NSD2: variants seen among roughly 807,000 people sequenced by gnomAD.
NSD2 encodes histone-lysine N-methyltransferase NSD2.
In NSD2, 12 loss-of-function variants were observed where a neutral mutation model predicts 139.0. That is an observed-to-expected ratio of 0.09 (90% CI 0.06 to 0.14). The LOEUF (loss-of-function observed/expected upper bound fraction) is 0.14, where lower values mean the gene tolerates loss of function less well. NSD2 is among the 10% of genes least tolerant of loss of function. The probability of loss-of-function intolerance (pLI) is 1.00; values close to 1 mark genes in which losing one functional copy is unlikely to be tolerated. For synonymous variants in NSD2, 669 were observed against 648.7 expected (o/e 1.03, Z -0.48); for missense variants, 1,155 against 1,745.0 (o/e 0.66, Z 6.02).
chr4:1,948,563 G>A lies in NSD2; in HGVS notation c.1882-2509G>A. On this transcript the variant is annotated intron_variant, in intron 9 of 21. Coordinates refer to ENST00000508803, the MANE Select transcript of NSD2 (RefSeq NM_001042424.3). The surrounding 1 kb of genome is among the most constrained non-coding windows in gnomAD (Gnocchi z 4.5). ...TCCGGTGGCTGGGAGGGGGTGTGGT[G>A]GGAAAAAGTCGGAATCTCTGCAATC... 1 of 1,064,348 alleles carries A rather than the reference G, an allele frequency of 9.4e-7. No individual in the cohort carries two copies. 65.9% of individuals were successfully genotyped at this position (1,064,348 alleles called of 1,614,324 possible).
At position 1,980,774 on chromosome 4, in the gene NSD2, C is replaced by CT. The variant is rs1727680452; in HGVS notation, c.*1866dup. ...TGACTTGCTCGCGCGGCCGTGGCCTCTGAGGGGCACTCGCCGGTTAAGACA... is the reference window on the plus strand; with the variant it reads ...TGACTTGCTCGCGCGGCCGTGGCCTCTTGAGGGGCACTCGCCGGTTAAGACA... On this transcript the variant is annotated 3_prime_UTR_variant, in exon 22 of 22. Coordinates refer to ENST00000508803, the MANE Select transcript of NSD2 (RefSeq NM_001042424.3). 1 of 233,292 alleles carries CT rather than the reference C, an allele frequency of 4.3e-6. No homozygotes were observed. Among genetic ancestry groups the CT allele is most frequent in the South Asian group, 1.8e-4 (1 of 5,530 alleles). The allele number at this position is 233,292 out of a possible 1,614,324, so 14.5% of individuals were successfully genotyped here. A position where few individuals can be genotyped will look rare whatever the true frequency, so the allele number is the denominator to read the frequency against.
At chr4:1,947,769 AG>A (rs1309045957) in intron 9 of NSD2, 1 of 1,048,982 alleles carries the variant, frequency 9.5e-7, no homozygotes, top group Non-Finnish European at 1.2e-6. Context: ...GTCAGTTTAT[AG>A]AAATATTTAT....
intron 1 of NSD2, among the ~76,000 whole-genome samples, chr4:1,883,708 G>C (rs556168415): frequency 5.3e-5 from 8 of 151,830 alleles, no homozygotes; most frequent in South Asian, 2.1e-4. Flanking sequence ...TGCTCTCCCA[G>C]CTGTAGTGGA....
chr4:1,930,876 T>G, intron 6 of NSD2, 106 bp downstream of exon 6: 1 of 1,410,216 alleles, frequency 7.1e-7, no homozygotes, highest in Admixed American at 2.3e-5. Context: ...ACTCTCCCTG[T>G]TTCTGACCCG....
chr4:1,967,450 C>T (rs895220964), intron 18 of NSD2, among the ~76,000 whole-genome samples: 27 of 152,064 alleles, frequency 1.8e-4, no homozygotes, highest in Non-Finnish European at 3.4e-4. Flanking sequence ...TGGTGGCGGG[C>T]GCCCATAATC....
chr4:1,950,789 A>G (rs565418549), intron 9 of NSD2, among the ~76,000 whole-genome samples: 1 of 152,368 alleles, frequency 6.6e-6, no homozygotes, highest in South Asian at 2.1e-4. Context: ...TGTTCATAAC[A>G]CTTCCTTCAT....
intron 1 of NSD2, among the ~76,000 whole-genome samples, chr4:1,882,619 G>A (rs187809533): frequency 6.6e-6 from 1 of 152,210 alleles, no homozygotes; most frequent in East Asian, 1.9e-4. Context: ...AGCTGAGATC[G>A]CGCCACTGCA....
intron 11 of NSD2, 181 bp from the exon 12 acceptor site, chr4:1,953,143 A>T: frequency 2.6e-6 from 4 of 1,549,386 alleles, no homozygotes; most frequent in Non-Finnish European, 3.5e-6. Flanking sequence ...GTAATCCTTG[A>T]TGGCTGGATC....
chr4:1,977,301 C>A (rs1261911956), intron 21 of NSD2, among the ~76,000 whole-genome samples: 1 of 152,252 alleles, frequency 6.6e-6, no homozygotes, highest in Non-Finnish European at 1.5e-5. Context: ...GCGTCTTGTT[C>A]CACTTGGTGA....
Position 1,976,162 on chromosome 4 carries a change from T to C in NSD2, c.3622-313T>C, listed in dbSNP as rs935272416. 6.6e-6 allele frequency among the ~76,000 whole-genome samples: 1 copy of C among 152,228 alleles called. No homozygotes were observed. Among genetic ancestry groups the C allele is most frequent in the East Asian group, 1.9e-4 (1 of 5,194 alleles). Reference sequence around the variant, plus strand: ...CGGGCGGGAGCTGTTCTGCCTGTGGTGGCCTCCTTTGCCAGTGGGTCCCAT... The same window carrying C: ...CGGGCGGGAGCTGTTCTGCCTGTGGCGGCCTCCTTTGCCAGTGGGTCCCAT... On this transcript the variant is annotated intron_variant, in intron 20 of 21. Transcript: ENST00000508803. This position sits in a 1 kb window ranked among gnomAD's most constrained non-coding sequence, Gnocchi z 5.3.
rs1177170379 is a variant in NSD2, at chr4:1,927,719, G to GAA, written c.1411-2878_1411-2877dup. On this transcript the variant is annotated intron_variant, in intron 5 of 21. Transcript: ENST00000508803. ...GGGCCACAATGAGACTCTTATCTCA[G>GAA]AAAAAAAAAAAAAAAAAAAAAAAAA... 4.5e-3 allele frequency among the ~76,000 whole-genome samples: 85 copies of GAA among 18,912 alleles called. 16 individuals are homozygous for GAA. Among genetic ancestry groups the GAA allele is most frequent in the East Asian group, 7.8e-3 (3 of 384 alleles). The allele number at this position is 18,912 out of a possible 152,430, so 12.4% of individuals were successfully genotyped here.
chr4:1,930,530 A>G, intron 5 of NSD2, 96 bp from the exon 6 acceptor site: 7 of 1,304,970 alleles, frequency 5.4e-6, no homozygotes, highest in Middle Eastern at 1.9e-4. Flanking sequence ...GCGACACACT[A>G]AGTTCTAAAG....
rs2109021884 is a variant in NSD2 at position 1,975,414 on chromosome 4, G to A, written c.3621+14G>A. ...GATAGACCAAAGGTAAGGCTGTGGC[G>A]CCCTCCTTCCCCCCAGGCTCTGTGT... On this transcript the variant is annotated intron_variant, in intron 20 of 21. Coordinates refer to ENST00000508803, the MANE Select transcript of NSD2 (RefSeq NM_001042424.3). 6.8e-6 allele frequency: 11 copies of A among 1,611,038 alleles called. No homozygotes were observed. The highest frequency in any genetic ancestry group is 1.7e-5 in the Admixed American group (1 of 59,972).
At chr4:1,907,714 G>A (rs1718120874) in intron 3 of NSD2, among the ~76,000 whole-genome samples, 1 of 144,752 alleles carries the variant, frequency 6.9e-6, no homozygotes, top group African/African-American at 2.5e-5. Context: ...CTGGGTTCAA[G>A]CAATTCTCCT....
intron 6 of NSD2, among the ~76,000 whole-genome samples, chr4:1,931,373 C>T (rs1194666984): frequency 6.6e-6 from 1 of 152,094 alleles, no homozygotes; most frequent in East Asian, 1.9e-4. Context: ...TTGCTTTGGG[C>T]AGTGGCAAGA....
At chr4:1,960,552 C>G (rs971253737) in intron 17 of NSD2, among the ~76,000 whole-genome samples, 1 of 152,214 alleles carries the variant, frequency 6.6e-6, no homozygotes, top group Admixed American at 6.5e-5. Context: ...CAGGGCTGAC[C>G]CAGCACAGAG....
At chr4:1,924,219 T>C (rs1720545391) in intron 5 of NSD2, among the ~76,000 whole-genome samples, 1 of 152,198 alleles carries the variant, frequency 6.6e-6, no homozygotes, top group South Asian at 2.1e-4. Context: ...GCAATGTGTG[T>C]ACAGCCACCG....
At chr4:1,932,473 G>A (rs1167443716) in intron 6 of NSD2, among the ~76,000 whole-genome samples, 2 of 146,264 alleles carry the variant, frequency 1.4e-5, no homozygotes, top group African/African-American at 5.1e-5. Flanking sequence ...CCAGCCCGGC[G>A]CAGTGGCTCC....
intron 1 of NSD2, among the ~76,000 whole-genome samples, chr4:1,895,573 T>C (rs994267794): frequency 1.6e-4 from 24 of 152,276 alleles, no homozygotes; most frequent in Non-Finnish European, 2.9e-4. Context: ...CTGCAAATCA[T>C]GAAAACAGTA....
Sources: allele counts gnomAD v4.1 joint callset (sites outside exome capture counted in the v4.1 genomes callset), GRCh38; gene constraint gnomAD v4.1.1; non-coding constraint Gnocchi (gnomAD v3.1); transcripts MANE v1.5; gene names NCBI Gene and HGNC (gene_info 2026-07-23, HGNC 2026-07-21).